The following TCF20 variants were observed in gnomAD, a reference collection of about 807,000 sequenced individuals.
TCF20 encodes the protein transcription factor 20, also known as SPRE-binding protein.
TCF20 carries 3 observed loss-of-function variants against 148.6 expected under a neutral mutation model. The observed-to-expected ratio is 0.02, with a 90% CI of 0.01 to 0.05. The LOEUF (loss-of-function observed/expected upper bound fraction) is 0.05, where lower values mean the gene tolerates loss of function less well. Among genes scored for constraint, TCF20 ranks in the 10% least tolerant of loss-of-function variants. TCF20 has a pLI of 1.00. For missense variants in TCF20, 2,350 were observed against 2,429.3 expected (o/e 0.97, Z 0.69); for synonymous variants, 1,049 against 909.5 (o/e 1.15, Z -2.76).
At chr22:42,266,841 G>C (rs922785842) in intron 1 of TCF20, among the ~76,000 whole-genome samples, 1 of 152,196 alleles carries the variant, frequency 6.6e-6, no homozygotes, top group Admixed American at 6.5e-5. Context: ...CATGTCTCCC[G>C]ATATCTTACC....
At chr22:42,294,537 A>G (rs1271175484) in intron 1 of TCF20, among the ~76,000 whole-genome samples, 1 of 152,026 alleles carries the variant, frequency 6.6e-6, no homozygotes, top group African/African-American at 2.4e-5. Context: ...CCTCCCTCCC[A>G]GCTCCGGGAG....
chr22:42,326,590 G>A (rs964747736), intron 1 of TCF20, among the ~76,000 whole-genome samples: 2 of 152,166 alleles, frequency 1.3e-5, no homozygotes, highest in East Asian at 1.9e-4. Context: ...GGCCACCAGC[G>A]AGAGCCCTGG....
At chr22:42,196,469 A>AC (rs1481193796) in intron 2 of TCF20, among the ~76,000 whole-genome samples, 1 of 152,186 alleles carries the variant, frequency 6.6e-6, no homozygotes, top group African/African-American at 2.4e-5. Context: ...AAAGAACCCT[A>AC]CCTAGAAACA....
chr22:42,304,869 G>A lies in TCF20; in HGVS notation c.-37+38610C>T, dbSNP rs181870103. ...AGTTGTACAGCTAAGGTCGGGCGCTGGGGCCTGTTCCAGGCTGAAGACTGG... is the reference window on the plus strand; with the variant it reads ...AGTTGTACAGCTAAGGTCGGGCGCTAGGGCCTGTTCCAGGCTGAAGACTGG... On this transcript the variant is annotated intron_variant, in intron 1 of 1. Transcript: ENST00000515426. 2.1e-3 allele frequency among the ~76,000 whole-genome samples: 324 copies of A among 152,208 alleles called. 3 individuals carry two copies. Among genetic ancestry groups the A allele is most frequent in the Middle Eastern group, 3.4e-3 (1 of 292 alleles).
At chr22:42,194,739 A>G (rs1937509707) in intron 2 of TCF20, among the ~76,000 whole-genome samples, 1 of 151,930 alleles carries the variant, frequency 6.6e-6, no homozygotes, top group African/African-American at 2.4e-5. Flanking sequence ...AAAGCAGCAG[A>G]GTGTGGTTCT....
upstream of TCF20, among the ~76,000 whole-genome samples, chr22:42,286,072 A>G (rs1420480714): frequency 4.6e-5 from 7 of 152,038 alleles, no homozygotes; most frequent in African/African-American, 7.3e-5. Flanking sequence ...GACCTTAGAC[A>G]AGCCACTGAC....
chr22:42,216,926 C>T (rs1921868678), intron 1 of TCF20, among the ~76,000 whole-genome samples: 1 of 152,094 alleles, frequency 6.6e-6, no homozygotes. Flanking sequence ...CTCCAAGTGA[C>T]TTTAGAACCA....
chr22:42,313,384 C>T lies in TCF20; in HGVS notation c.-37+30095G>A, dbSNP rs539680204. ...CTCCACAAGTCAGGAAAGGCCCCTG[C>T]AGCTGCGAGCAGAGCCCTGCCCGCT... On this transcript the variant is annotated intron_variant, in intron 1 of 1. Coordinates refer to the TCF20 transcript ENST00000515426. 5.9e-5 allele frequency among the ~76,000 whole-genome samples: 9 copies of T among 152,304 alleles called. No homozygotes were observed. The East Asian group carries it at 1.5e-3, about 26-fold the overall frequency.
intron 1 of TCF20, among the ~76,000 whole-genome samples, chr22:42,232,537 A>AG (rs1319367243): frequency 1.3e-5 from 2 of 152,154 alleles, no homozygotes; most frequent in Non-Finnish European, 2.9e-5. Context: ...TTCAGCAACT[A>AG]GTTCGATCGG....
At chr22:42,261,089 C>G (rs1230590605) in intron 1 of TCF20, among the ~76,000 whole-genome samples, 2 of 152,188 alleles carry the variant, frequency 1.3e-5, no homozygotes, top group Admixed American at 1.3e-4. Flanking sequence ...TCTGGAATGT[C>G]CATTAAGTGG....
chr22:42,241,044 G>A (rs1020037094), intron 1 of TCF20, among the ~76,000 whole-genome samples: 2 of 152,014 alleles, frequency 1.3e-5, no homozygotes, highest in Non-Finnish European at 2.9e-5. Flanking sequence ...TTAGTAAGGA[G>A]GGGGTTTCAC....
intron 1 of TCF20, among the ~76,000 whole-genome samples, chr22:42,340,051 G>A (rs1356565486): frequency 2.0e-5 from 3 of 152,200 alleles, no homozygotes; most frequent in Non-Finnish European, 2.9e-5. Context: ...GTGACTAGCT[G>A]GGCTCCTGCC....
chr22:42,208,133 A>G (rs1215003061), intron 2 of TCF20, among the ~76,000 whole-genome samples: 1 of 151,392 alleles, frequency 6.6e-6, no homozygotes, highest in African/African-American at 2.4e-5. Context: ...AGCCATCATC[A>G]CATCACTGCA....
chr22:42,315,642 T>G (rs958207790), intron 1 of TCF20, among the ~76,000 whole-genome samples: 1 of 151,890 alleles, frequency 6.6e-6, no homozygotes, highest in Non-Finnish European at 1.5e-5. Flanking sequence ...GTGCCATGAA[T>G]GAGGGAAGCC....
intron 1 of TCF20, among the ~76,000 whole-genome samples, chr22:42,308,750 G>T (rs1186331264): frequency 1.3e-5 from 2 of 152,142 alleles, no homozygotes; most frequent in Non-Finnish European, 2.9e-5. Context: ...GAGGACAGGG[G>T]AGGGAGATCC....
intron 5 of TCF20, among the ~76,000 whole-genome samples, chr22:42,161,709 C>T (rs575066303): frequency 1.2e-4 from 18 of 152,228 alleles, no homozygotes; most frequent in Non-Finnish European, 4.4e-5. Context: ...TGGGGTTTTG[C>T]CAGTGTCAGG....
At chr22:42,199,448 A>G (rs564568171) in intron 2 of TCF20, among the ~76,000 whole-genome samples, 11 of 152,286 alleles carry the variant, frequency 7.2e-5, no homozygotes, top group African/African-American at 2.4e-4. Context: ...GAAATAGGGT[A>G]CAACTGTGCA....
chr22:42,237,505 A>T (rs1430341017), intron 1 of TCF20, among the ~76,000 whole-genome samples: 1 of 152,196 alleles, frequency 6.6e-6, no homozygotes, highest in Non-Finnish European at 1.5e-5. Context: ...ACTCCTGTTC[A>T]TGTACTGACC....
At chr22:42,225,380 C>A (rs555237993) in intron 1 of TCF20, among the ~76,000 whole-genome samples, 2 of 150,704 alleles carry the variant, frequency 1.3e-5, no homozygotes, top group South Asian at 2.1e-4. Context: ...TTTGGGAGGC[C>A]GAGGCGGGTG....
Sources: gnomAD v4.1 joint callset for allele counts (sites outside exome capture counted in the v4.1 genomes callset) on GRCh38, gnomAD v4.1.1 for gene constraint, MANE v1.5 for transcripts, NCBI Gene and HGNC (gene_info 2026-07-23, HGNC 2026-07-21) for gene names.